Variants in DCLK1 observed in about 807,000 individuals in gnomAD.
DCLK1 encodes the protein serine/threonine-protein kinase DCLK1.
DCLK1 carries 16 observed loss-of-function variants against 86.2 expected under a neutral mutation model. That is an observed-to-expected ratio of 0.19 (90% CI 0.13 to 0.28). DCLK1 has a LOEUF of 0.28. Among genes scored for constraint, DCLK1 ranks in the 10% least tolerant of loss-of-function variants. The pLI is 1.00. For synonymous variants in DCLK1, 369 were observed against 370.5 expected, an observed-to-expected ratio of 1.00 and a Z score of 0.05; for missense variants, 590 against 940.2, an observed-to-expected ratio of 0.63 and a Z score of 4.87.
intron 3 of DCLK1, among the ~76,000 whole-genome samples, chr13:35,955,180 T>C (rs149811260): frequency 1.6e-4 from 25 of 152,102 alleles, no homozygotes; most frequent in South Asian, 4.2e-4. Context: ...AAATGATTCA[T>C]CCTTTATTAT....
At chr13:35,951,229 T>C (rs559757495) in intron 3 of DCLK1, among the ~76,000 whole-genome samples, 1 of 150,620 alleles carries the variant, frequency 6.6e-6, no homozygotes, top group South Asian at 2.1e-4. Context: ...AAATAAGCAT[T>C]TGTTGGATGG....
At chr13:35,876,861 G>C (rs1872621221) in intron 4 of DCLK1, among the ~76,000 whole-genome samples, 1 of 152,128 alleles carries the variant, frequency 6.6e-6, no homozygotes, top group Admixed American at 6.5e-5. Flanking sequence ...GGAGAAACTG[G>C]ATGACCCAGA....
At position 35,901,634 on chromosome 13, in the gene DCLK1, T is replaced by G. The variant is rs1273460121; in HGVS notation, c.824-30294A>C. Among the ~76,000 whole-genome samples, 3 of 151,858 alleles carry G rather than the reference T, an allele frequency of 2.0e-5. No individual in the cohort carries two copies. In the East Asian group the frequency reaches 5.8e-4, roughly 29 times the overall value. On this transcript the variant is annotated intron_variant, in intron 4 of 16. Transcript: ENST00000360631. ...AAGTGGGGATTCTCCTGGCACTCCC[T>G]TTGCGTGTTCTCTTACAGGCCTCCT... is the stretch of plus-strand genomic sequence containing the variant.
chr13:36,055,097 A>T (rs1457013753), intron 3 of DCLK1, among the ~76,000 whole-genome samples: 1 of 152,144 alleles, frequency 6.6e-6, no homozygotes, highest in African/African-American at 2.4e-5. Flanking sequence ...TGAAAAGGCA[A>T]ATAAAGAGAT....
chr13:35,997,914 A>C (rs905191616), intron 3 of DCLK1, among the ~76,000 whole-genome samples: 18 of 152,160 alleles, frequency 1.2e-4, no homozygotes, highest in African/African-American at 4.3e-4. Flanking sequence ...CTGATATTTA[A>C]TATAAAGCAC....
At chr13:35,870,143 C>T (rs1322569007) in intron 5 of DCLK1, among the ~76,000 whole-genome samples, 1 of 152,176 alleles carries the variant, frequency 6.6e-6, no homozygotes, top group African/African-American at 2.4e-5. Context: ...AAACGTATTT[C>T]CTGACTGGCT....
At chr13:35,879,215 C>A (rs9574765) in intron 4 of DCLK1, among the ~76,000 whole-genome samples, 6 of 152,104 alleles carry the variant, frequency 3.9e-5, no homozygotes, top group African/African-American at 1.4e-4. Context: ...TTTAAAAGTA[C>A]CTTCTAAAAA....
intron 11 of DCLK1, among the ~76,000 whole-genome samples, chr13:35,815,638 T>C (rs1192573566): frequency 5.3e-5 from 8 of 152,198 alleles, no homozygotes; most frequent in Non-Finnish European, 1.2e-4. Flanking sequence ...TAAAAAGACA[T>C]TGATTTTCCT....
intron 3 of DCLK1, 62 bp from the exon 4 acceptor site, chr13:35,947,519 C>T: frequency 2.2e-6 from 3 of 1,376,890 alleles, no homozygotes; most frequent in South Asian, 2.4e-5. Flanking sequence ...ACAATGCAAC[C>T]CCACGAGCAG....
intron 4 of DCLK1, among the ~76,000 whole-genome samples, chr13:35,941,465 T>C (rs1344618626): frequency 6.6e-6 from 1 of 152,136 alleles, no homozygotes; most frequent in Non-Finnish European, 1.5e-5. Context: ...TAGAATCACA[T>C]ACCCAGGAAG....
chr13:35,867,911 A>G (rs1416364000), intron 5 of DCLK1, among the ~76,000 whole-genome samples: 1 of 91,308 alleles, frequency 1.1e-5, no homozygotes, highest in Non-Finnish European at 2.4e-5. Context: ...AAGAAAGAAA[A>G]AGAAAGAAAG....
intron 3 of DCLK1, among the ~76,000 whole-genome samples, chr13:35,958,793 A>G (rs1365850631): frequency 6.6e-6 from 1 of 152,244 alleles, no homozygotes; most frequent in African/African-American, 2.4e-5. Flanking sequence ...CCATACTTAA[A>G]TGCAGCTACT....
intron 4 of DCLK1, among the ~76,000 whole-genome samples, chr13:35,924,973 G>T (rs541478698): frequency 6.6e-6 from 1 of 152,160 alleles, no homozygotes; most frequent in Non-Finnish European, 1.5e-5. Context: ...GCCCAAGAAG[G>T]CTAAAATATG....
intron 3 of DCLK1, among the ~76,000 whole-genome samples, chr13:36,077,911 T>C (rs1010675059): frequency 2.6e-5 from 4 of 152,210 alleles, no homozygotes; most frequent in African/African-American, 4.8e-5. Context: ...TGAGCTCTGA[T>C]CCTTAACTTT....
chr13:35,937,159 G>C (rs1300479552), intron 4 of DCLK1, among the ~76,000 whole-genome samples: 2 of 150,444 alleles, frequency 1.3e-5, no homozygotes, highest in African/African-American at 4.9e-5. Context: ...ATTTTTAGTA[G>C]ATACGGGGTT....
chr13:35,982,427 AGAGAGGGGGAGGGAGGGAGGGAGG>A (rs1463173871), intron 3 of DCLK1, among the ~76,000 whole-genome samples: 612 of 54,116 alleles, frequency 0.011, 27 homozygotes, highest in South Asian at 0.039. Flanking sequence ...AGAGAGAGAG[AGAGAGGGGGAGGGAGGGAGGGAGG>A]GAGGGAGGGA....
Position 35,771,434 on chromosome 13 carries a change from A to G in DCLK1, c.*3101T>C, listed in dbSNP as rs1477865911. On this transcript the variant is annotated 3_prime_UTR_variant, in exon 17 of 17. Transcript: ENST00000360631. Reference sequence around the variant, plus strand: ...GAGGGCTACGGTAAAAACATTTTTGATGACTGAAATCTTACTTTTCCTTCT... The same window carrying G: ...GAGGGCTACGGTAAAAACATTTTTGGTGACTGAAATCTTACTTTTCCTTCT... 1 of 152,146 alleles carries G rather than the reference A, an allele frequency of 6.6e-6. No individual in the cohort carries two copies. Among genetic ancestry groups the G allele is most frequent in the Non-Finnish European group, 1.5e-5 (1 of 68,028 alleles). 9.4% of individuals were successfully genotyped at this position (152,146 alleles called of 1,614,324 possible). A position where few individuals can be genotyped will look rare whatever the true frequency, so the allele number is the denominator to read the frequency against.
chr13:35,807,210 T>TAA (rs575755253), intron 14 of DCLK1, among the ~76,000 whole-genome samples: 252 of 152,330 alleles, frequency 1.7e-3, no homozygotes, highest in African/African-American at 5.6e-3. Flanking sequence ...TGATTTATCA[T>TAA]AAATATTATT....
At chr13:35,997,989 C>T (rs896770065) in intron 3 of DCLK1, among the ~76,000 whole-genome samples, 1 of 152,132 alleles carries the variant, frequency 6.6e-6, no homozygotes, top group Non-Finnish European at 1.5e-5. Flanking sequence ...TGATCCAGAC[C>T]ATTGTTGGAG....
Sources: allele counts gnomAD v4.1 joint callset (sites outside exome capture counted in the v4.1 genomes callset), GRCh38; gene constraint gnomAD v4.1.1; transcripts MANE v1.5; gene names NCBI Gene and HGNC (gene_info 2026-07-23, HGNC 2026-07-21).